Variants in UBR1 observed in about 807,000 individuals in gnomAD.
UBR1 encodes the protein ubiquitin protein ligase E3 component n-recognin 1, also known as E3 ubiquitin-protein ligase UBR1.
In UBR1, 102 loss-of-function variants were observed where a neutral mutation model predicts 242.1. The observed-to-expected ratio is 0.42, with a 90% CI of 0.36 to 0.50. The LOEUF is 0.50. UBR1 is among the 20% of genes least tolerant of loss of function. The pLI is 0.01. For missense variants in UBR1, 1,772 were observed against 2,101.8 expected (o/e 0.84, Z 3.07); for synonymous variants, 675 against 684.8 (o/e 0.99, Z 0.22).
At chr15:42,945,987 G>A (rs954434566) in intron 46 of UBR1, among the ~76,000 whole-genome samples, 3 of 152,152 alleles carry the variant, frequency 2.0e-5, no homozygotes, top group Non-Finnish European at 4.4e-5. Context: ...TTCAATTCTA[G>A]AGTTGCACAG....
At chr15:43,016,122 C>G (rs1443183381) in intron 28 of UBR1, among the ~76,000 whole-genome samples, 2 of 152,148 alleles carry the variant, frequency 1.3e-5, no homozygotes, top group East Asian at 3.8e-4. Context: ...GCCTTTTATA[C>G]TCAATGCAGG....
At chr15:43,054,607 A>C (rs2033594197) in intron 12 of UBR1, 135 bp downstream of exon 12, 1 of 981,806 alleles carries the variant, frequency 1.0e-6, no homozygotes, top group Non-Finnish European at 1.6e-6. Flanking sequence ...CGAGGCAGTA[A>C]CAGTTCTTTG....
intron 40 of UBR1, among the ~76,000 whole-genome samples, chr15:42,967,554 T>A (rs142654930): frequency 1.3e-5 from 2 of 152,150 alleles, no homozygotes; most frequent in African/African-American, 4.8e-5. Context: ...ACTAATGATG[T>A]GTGTGGCAGT....
intron 42 of UBR1, among the ~76,000 whole-genome samples, chr15:42,961,868 C>T (rs1357687564): frequency 6.6e-6 from 1 of 151,892 alleles, no homozygotes; most frequent in Non-Finnish European, 1.5e-5. Context: ...AATTCTCCTG[C>T]CTCAGCCTCT....
At chr15:43,090,869 T>C (rs1234194863) in intron 1 of UBR1, among the ~76,000 whole-genome samples, 1 of 152,202 alleles carries the variant, frequency 6.6e-6, no homozygotes, top group Non-Finnish European at 1.5e-5. Flanking sequence ...CTAGGTATCC[T>C]AAGTCCTAAA....
chr15:42,955,476 T>C (rs1225544261), intron 44 of UBR1, among the ~76,000 whole-genome samples: 1 of 152,252 alleles, frequency 6.6e-6, no homozygotes, highest in Non-Finnish European at 1.5e-5. Flanking sequence ...AGTAAATCAA[T>C]AAAGTCTTGA....
rs1016653440 is a variant in UBR1, at chr15:42,944,071, G to C, written c.*1258C>G. On this transcript the variant is annotated 3_prime_UTR_variant, in exon 47 of 47. Transcript: ENST00000290650. ...ACATATGTGAGACACTAATAGCCAA[G>C]GGCAAAATAAGATACAGTCTTTGAA... 3 of 152,154 alleles carry C rather than the reference G, an allele frequency of 2.0e-5. No homozygotes were observed. Among genetic ancestry groups the C allele is most frequent in the Admixed American group, 6.5e-5 (1 of 15,272 alleles). The allele number at this position is 152,154 out of a possible 1,614,324, so 9.4% of individuals were successfully genotyped here.
chr15:42,958,401 T>G (rs1318761105), intron 43 of UBR1, among the ~76,000 whole-genome samples: 1 of 152,210 alleles, frequency 6.6e-6, no homozygotes, highest in Non-Finnish European at 1.5e-5. Context: ...AAATTAGAGC[T>G]GGTTACAAAT....
At position 42,961,683 on chromosome 15, in the gene UBR1, T is replaced by A. The variant is rs952375350; in HGVS notation, c.4701-982A>T. On this transcript the variant is annotated intron_variant, in intron 42 of 46. Coordinates refer to ENST00000290650, the MANE Select transcript of UBR1 (RefSeq NM_174916.3). The stretch of plus-strand genomic sequence containing the variant: ...CTTGACCTCAGGTGATTTGCCCACC[T>A]CGGCCTCCCAAAGTGCTGGGATTAC... Among the ~76,000 whole-genome samples, 9 of 152,028 alleles carry A rather than the reference T, an allele frequency of 5.9e-5. No individual in the cohort carries two copies. In the East Asian group the frequency reaches 1.7e-3, roughly 29 times the overall value.
chr15:43,067,336 C>T (rs181745661), intron 6 of UBR1, among the ~76,000 whole-genome samples: 132 of 152,052 alleles, frequency 8.7e-4, no homozygotes, highest in African/African-American at 3.0e-3. Flanking sequence ...TTAAACCATG[C>T]GGTTTTTAAA....
rs768101403 is a variant in UBR1, at chr15:43,105,952, C to T, written c.71G>A (p.Arg24His). 5.0e-6 allele frequency: 8 copies of T among 1,613,974 alleles called. No individual in the cohort carries two copies. The highest frequency in any genetic ancestry group is 1.6e-4 in the Middle Eastern group (1 of 6,062). ...CCTATAGGGACTTACAGATGCCAGA[C>T]GCTGAGGGGTCTGGGGTAACTCCGC... is the stretch of plus-strand genomic sequence containing the variant. ...ISAELPQTPQRLASWWDQQVD... is the reference protein window; with the variant it reads ...ISAELPQTPQHLASWWDQQVD... Residue 24 changes from arginine (R) to histidine (H), a missense_variant, in exon 1 of 47, where the codon CGT becomes CAT. Coordinates refer to ENST00000290650, the MANE Select transcript of UBR1 (RefSeq NM_174916.3).
At chr15:43,055,199 C>T (rs1363960018) in intron 11 of UBR1, among the ~76,000 whole-genome samples, 4 of 152,154 alleles carry the variant, frequency 2.6e-5, no homozygotes, top group African/African-American at 9.7e-5. Context: ...AATCCCAGGA[C>T]TTTGGGAGGC....
In UBR1 at chr15:43,007,304, G is replaced by A; in HGVS notation, c.3210-20C>T. 6.2e-7 allele frequency: 1 copy of A among 1,612,532 alleles called. No individual in the cohort carries two copies. Among genetic ancestry groups the A allele is most frequent in the South Asian group, 1.1e-5 (1 of 90,870 alleles). On this transcript the variant is annotated intron_variant, in intron 29 of 46. Coordinates refer to ENST00000290650, the MANE Select transcript of UBR1 (RefSeq NM_174916.3). ...GGGGTGCTACCAAAAGAAATGATCA[G>A]AAATGAGGACACATGTTTTGGTCAC... is the stretch of plus-strand genomic sequence containing the variant.
rs750293170 is a variant in UBR1 at position 43,032,576 on chromosome 15, T to A, written c.2246A>T (p.Tyr749Phe). The A allele has an allele frequency of 1.3e-6, 2 of 1,536,852 alleles. No individual in the cohort carries two copies. Among genetic ancestry groups the A allele is most frequent in the Non-Finnish European group, 1.8e-6 (2 of 1,114,848 alleles). The change falls in exon 20 of 47, where the codon TAT (tyrosine) becomes TTT (phenylalanine). Residue 749 changes from tyrosine to phenylalanine, a missense_variant. Physicochemically the swap from Tyr to Phe is conservative, Grantham distance 22. This residue lies in a region of UBR1 where 73 missense variants were observed against 128.9 expected (regional missense o/e 0.57). Coordinates refer to ENST00000290650, the MANE Select transcript of UBR1 (RefSeq NM_174916.3). The part of the protein sequence containing the change: ...LIEEMLQVLI[Y>F]IVGERYVPGV... ...TTGTGTTTTAATCTTACCCACAATA[T>A]AGATGAGGACCTGAAGCATTTCTTC...
At chr15:43,002,376 G>A (rs1429354392) in intron 32 of UBR1, among the ~76,000 whole-genome samples, 179 bp downstream of exon 32, 4 of 151,792 alleles carry the variant, frequency 2.6e-5, no homozygotes, top group Admixed American at 6.6e-5. Flanking sequence ...CACCACACCT[G>A]GCTAATTTTT....
chr15:43,043,717 C>T (rs1283967059), intron 14 of UBR1, among the ~76,000 whole-genome samples: 3 of 152,128 alleles, frequency 2.0e-5, no homozygotes, highest in Non-Finnish European at 4.4e-5. Context: ...AAAGTGCTAG[C>T]ATTACAGGTG....
intron 29 of UBR1, among the ~76,000 whole-genome samples, chr15:43,015,026 G>C (rs1246624614): frequency 6.6e-6 from 1 of 151,432 alleles, no homozygotes; most frequent in African/African-American, 2.4e-5. Flanking sequence ...GAGGTTGGGG[G>C]TCAGCCCCCG....
At chr15:42,996,442 T>G (rs981628260) in intron 33 of UBR1, among the ~76,000 whole-genome samples, 1 of 151,880 alleles carries the variant, frequency 6.6e-6, no homozygotes, top group African/African-American at 2.4e-5. Flanking sequence ...ACAAAAAATT[T>G]AAAAATTAGC....
Position 43,059,431 on chromosome 15 carries a change from T to C in UBR1, c.986-239A>G, listed in dbSNP as rs143776842. Among the ~76,000 whole-genome samples the C allele has an allele frequency of 4.8e-3, 725 of 152,196 alleles. 2 individuals carry two copies. Among genetic ancestry groups the C allele is most frequent in the Non-Finnish European group, 9.3e-3 (631 of 68,004 alleles). On this transcript the variant is annotated intron_variant, in intron 8 of 46. Coordinates refer to ENST00000290650, the MANE Select transcript of UBR1 (RefSeq NM_174916.3). ...CCTATAACATGTGAAAAGAATAATATTAATCCTCCCACATTTGAGGCAAAG... is the reference window on the plus strand; with the variant it reads ...CCTATAACATGTGAAAAGAATAATACTAATCCTCCCACATTTGAGGCAAAG...
Sources: gnomAD v4.1 joint callset for allele counts (sites outside exome capture counted in the v4.1 genomes callset) on GRCh38, gnomAD v4.1.1 for gene constraint, gnomAD v4.1.1 regional missense constraint, MANE v1.5 for transcripts, NCBI Gene and HGNC (gene_info 2026-07-23, HGNC 2026-07-21) for gene names.